The following TRIML2 variants were observed in gnomAD, a reference collection of about 807,000 sequenced individuals.
The protein encoded by TRIML2 is tripartite motif family like 2, also known as probable E3 ubiquitin-protein ligase TRIML2.
TRIML2 carries 28 observed loss-of-function variants against 31.2 expected under a neutral mutation model. The ratio of observed to expected loss-of-function variants is 0.90; its 90% CI spans 0.66 to 1.23. TRIML2 has a LOEUF of 1.23. Ranked by LOEUF, TRIML2 falls within the 50% of genes most tolerant of loss-of-function variation. The pLI is 0.00. For missense variants in TRIML2, 536 were observed against 528.3 expected (o/e 1.01, Z -0.14); for synonymous variants, 187 against 197.5 (o/e 0.95, Z 0.45).
In TRIML2 at chr4:188,091,493, G is replaced by T. The variant is rs769523346; in HGVS notation, c.1194C>A (p.Cys398Ter). 1 of 1,614,036 alleles carries T rather than the reference G, an allele frequency of 6.2e-7. No homozygotes were observed. Among genetic ancestry groups the T allele is most frequent in the African/African-American group, 1.3e-5 (1 of 74,920 alleles). ...EMSLIYNFSH[C>*]AFQGALRPVF... ...CAGGCCTGAGAGCTCCTTGGAAGGC[G>T]CAATGGGAGAAATTGTAAATGAGGG... The change falls in exon 8 of 8, where the codon TGC (cysteine) becomes TGA (stop). Residue 398 changes from cysteine to a stop codon, truncating the protein, a stop_gained. Coordinates refer to ENST00000682553, the MANE Select transcript of TRIML2 (RefSeq NM_173553.4). LOFTEE classifies it low-confidence loss of function (END_TRUNC).
intron 5 of TRIML2, chr4:188,098,368 C>T (rs988958100): frequency 2.6e-5 from 9 of 345,650 alleles, no homozygotes; most frequent in South Asian, 4.3e-5. Context: ...AGGTCTTCCT[C>T]GGCCTCTTTT....
rs377397260 is a variant in TRIML2 at position 188,101,147 on chromosome 4, C to T, written c.389G>A (p.Cys130Tyr). ...TTCTCTCAGGTTCAAGTCAGATATG[C>T]ATTCCTGCTGTCTCTGGAGATTCTG... ...CEQNLQRQQE[C>Y]ISDLNLRETL... The change falls in exon 4 of 8, where the codon TGC (cysteine) becomes TAC (tyrosine). Residue 130 changes from cysteine to tyrosine, a missense_variant. Transcript: ENST00000682553. The T allele has an allele frequency of 1.9e-6, 3 of 1,613,770 alleles. No individual in the cohort carries two copies. In the African/African-American group the frequency reaches 4.0e-5, roughly 22 times the overall value.
rs1250899845 is a variant in TRIML2, at chr4:188,091,371, GA to G, written c.*1del. 2 of 1,609,192 alleles carry G rather than the reference GA, an allele frequency of 1.2e-6. No individual in the cohort carries two copies. Among genetic ancestry groups the G allele is most frequent in the African/African-American group, 2.7e-5 (2 of 74,770 alleles). ...GTGGTCTTGGATTTTACACACAGAA[GA>G]TTAAGGGCTAACAGTAGCATCACAA... On this transcript the variant is annotated 3_prime_UTR_variant, in exon 8 of 8. Coordinates refer to ENST00000682553, the MANE Select transcript of TRIML2 (RefSeq NM_173553.4).
At position 188,105,398 on chromosome 4, in the gene TRIML2, A is replaced by C. The variant is rs1326960167; in HGVS notation, c.-30T>G. 1 of 1,509,090 alleles carries C rather than the reference A, an allele frequency of 6.6e-7. No individual in the cohort carries two copies. The highest frequency in any genetic ancestry group is 1.4e-5 in the African/African-American group (1 of 73,082). 93.5% of individuals were successfully genotyped at this position (1,509,090 alleles called of 1,614,324 possible). A position where few individuals can be genotyped will look rare whatever the true frequency, so the allele number is the denominator to read the frequency against. ...GTAGGGGTCCCTAGTTGAAGACTGG[A>C]CTGTATGCTTCTACTGAGGTATCTC... On this transcript the variant is annotated 5_prime_UTR_variant, in exon 2 of 8. Coordinates refer to ENST00000682553, the MANE Select transcript of TRIML2 (RefSeq NM_173553.4).
intron 1 of TRIML2, chr4:188,106,995 G>A (rs1450853531): frequency 6.1e-6 from 1 of 162,980 alleles, no homozygotes; most frequent in African/African-American, 2.4e-5. Flanking sequence ...TCAGAAAAAT[G>A]TTTTTGTTTT....
chr4:188,106,211 G>T (rs1047705603), intron 1 of TRIML2, among the ~76,000 whole-genome samples: 10 of 151,952 alleles, frequency 6.6e-5, no homozygotes, highest in Non-Finnish European at 1.2e-4. Flanking sequence ...CACCTCGCCC[G>T]GCTAATTTTT....
At position 188,096,794 on chromosome 4, in the gene TRIML2, C is replaced by T. The variant is rs568194830; in HGVS notation, c.745+267G>A. Among the ~76,000 whole-genome samples, 9 of 151,836 alleles carry T rather than the reference C, an allele frequency of 5.9e-5. No homozygotes were observed. The East Asian group carries it at 1.8e-3, about 30-fold the overall frequency. ...ACCTCAGCCACTCAAGTAGCAGGGA[C>T]TACAGGCACACGCCACCACAACTGG... On this transcript the variant is annotated intron_variant, in intron 7 of 7. Coordinates refer to ENST00000682553, the MANE Select transcript of TRIML2 (RefSeq NM_173553.4).
At chr4:188,093,686 G>GAAT (rs2111155855) in intron 7 of TRIML2, among the ~76,000 whole-genome samples, 1 of 151,992 alleles carries the variant, frequency 6.6e-6, no homozygotes, top group South Asian at 2.1e-4. Flanking sequence ...AAAGGTTGAA[G>GAAT]AAACAACAGG....
intron 4 of TRIML2, among the ~76,000 whole-genome samples, chr4:188,100,749 T>C (rs952074135): frequency 6.6e-6 from 1 of 152,130 alleles, no homozygotes; most frequent in African/African-American, 2.4e-5. Flanking sequence ...TTCTAAACCA[T>C]GGCTCTAAAC....
intron 3 of TRIML2, among the ~76,000 whole-genome samples, chr4:188,101,683 ACT>A (rs1225562145): frequency 6.6e-6 from 1 of 151,068 alleles, no homozygotes; most frequent in East Asian, 2.0e-4. Context: ...ACAGAGCTAG[ACT>A]CTGTCTCAAA....
chr4:188,107,826 C>T (rs13116439), intron 1 of TRIML2, among the ~76,000 whole-genome samples: 73,927 of 151,438 alleles, frequency 0.49, 18,807 homozygotes, highest in South Asian at 0.61. Context: ...GCTATAGATC[C>T]AAGTTCCTGT....
At position 188,105,469 on chromosome 4, in the gene TRIML2, G is replaced by C; in HGVS notation, c.-101C>G. The C allele has an allele frequency of 1.2e-6, 1 of 852,866 alleles. No individual in the cohort carries two copies. The highest frequency in any genetic ancestry group is 1.7e-6 in the Non-Finnish European group (1 of 589,714). The allele number at this position is 852,866 out of a possible 1,614,324, so 52.8% of individuals were successfully genotyped here. On this transcript the variant is annotated 5_prime_UTR_variant, in exon 2 of 8. Transcript: ENST00000682553. Reference sequence around the variant, plus strand: ...AAATGGTGGCTTCCTTTGTTTTCTGGAGCAGGCACACACACTTGGCAACTT... The same window carrying C: ...AAATGGTGGCTTCCTTTGTTTTCTGCAGCAGGCACACACACTTGGCAACTT...
chr4:188,091,431 G>C lies in TRIML2; in HGVS notation c.1256C>G (p.Pro419Arg). The change falls in exon 8 of 8, where the codon CCA becomes CGA. Residue 419 changes from proline (P) to arginine (R), a missense_variant. Coordinates refer to ENST00000682553, the MANE Select transcript of TRIML2 (RefSeq NM_173553.4). ...ATGTTGTAAGATGGTGAGGGAGTCT[G>C]GACTTGTGTCTCCATTTGGGATACA... Reference protein sequence around the residue: ...SLCIPNGDTSPDSLTILQHGP... With the variant: ...SLCIPNGDTSRDSLTILQHGP... The C allele has an allele frequency of 1.2e-6, 2 of 1,614,210 alleles. No homozygotes were observed. Among genetic ancestry groups the C allele is most frequent in the Non-Finnish European group, 1.7e-6 (2 of 1,180,048 alleles).
At chr4:188,093,431 T>C (rs1456793556) in intron 7 of TRIML2, among the ~76,000 whole-genome samples, 1 of 152,090 alleles carries the variant, frequency 6.6e-6, no homozygotes, top group East Asian at 1.9e-4. Flanking sequence ...CCCAGCATTT[T>C]AGGAGGCCGA....
At chr4:188,098,334 C>T (rs527654646) in intron 5 of TRIML2, 7 of 413,042 alleles carry the variant, frequency 1.7e-5, no homozygotes, top group Admixed American at 1.1e-4. Flanking sequence ...GCCTCCATCT[C>T]CAGCCTCACA....
chr4:188,097,267 A>G, intron 6 of TRIML2, 57 bp downstream of exon 6: 6 of 1,606,858 alleles, frequency 3.7e-6, no homozygotes, highest in Non-Finnish European at 4.3e-6. Context: ...CCCTATCTCA[A>G]TCAACATCTT....
chr4:188,109,215 A>G (rs1560958716), intron 1 of TRIML2, 28 bp downstream of exon 1: 3 of 151,394 alleles, frequency 2.0e-5, no homozygotes, highest in Non-Finnish European at 4.4e-5. Context: ...TTATTAAGAA[A>G]ATGATCTATA....
chr4:188,091,800 G>A lies in TRIML2; in HGVS notation c.887C>T (p.Ala296Val), dbSNP rs562482650. 4.8e-5 allele frequency: 78 copies of A among 1,614,104 alleles called. No homozygotes were observed. In the South Asian group the frequency reaches 5.8e-4, roughly 12 times the overall value. The change falls in exon 8 of 8, where the codon GCG (alanine) becomes GTG (valine). Residue 296 changes from alanine (A) to valine (V), a missense_variant. Transcript: ENST00000682553. ...RLDFSAMVLA[A>V]ESFTSGRHYW... ...GTGCCTCCCTGAGGTGAAGCTCTCC[G>A]CAGCCAGCACCATGGCACTGAAATC... is the stretch of plus-strand genomic sequence containing the variant.
rs1202258253 is a variant in TRIML2 at position 188,093,470 on chromosome 4, T to C, written c.746-1529A>G. On this transcript the variant is annotated intron_variant, in intron 7 of 7. Transcript: ENST00000682553. Reference sequence around the variant, plus strand: ...GGACGGATCACTTGAGGCCAGGACTTTGAGACCAGCCTGGCGAAACCCCAT... The same window carrying C: ...GGACGGATCACTTGAGGCCAGGACTCTGAGACCAGCCTGGCGAAACCCCAT... 3.9e-5 allele frequency among the ~76,000 whole-genome samples: 6 copies of C among 151,932 alleles called. 1 individual carries two copies. Among genetic ancestry groups the C allele is most frequent in the African/African-American group, 1.2e-4 (5 of 41,470 alleles).
Sources: allele counts gnomAD v4.1 joint callset (sites outside exome capture counted in the v4.1 genomes callset), GRCh38; gene constraint gnomAD v4.1.1; transcripts MANE v1.5; gene names NCBI Gene and HGNC (gene_info 2026-07-23, HGNC 2026-07-21).